HECW1: variants seen among roughly 807,000 people sequenced by gnomAD.
HECW1 encodes the protein E3 ubiquitin-protein ligase HECW1.
Under a neutral mutation model 182.3 loss-of-function variants are expected in HECW1, and 61 were observed. The observed-to-expected ratio is 0.33, with a 90% CI of 0.27 to 0.41. The LOEUF (loss-of-function observed/expected upper bound fraction) is 0.41, where lower values mean the gene tolerates loss of function less well. HECW1 is among the 10% of genes least tolerant of loss of function. HECW1 has a pLI of 1.00. For synonymous variants in HECW1, 859 were observed against 832.6 expected (o/e 1.03, Z -0.55); for missense variants, 1,739 against 2,108.9 (o/e 0.82, Z 3.44).
intron 3 of HECW1, among the ~76,000 whole-genome samples, chr7:43,257,299 G>A (rs1375605779): frequency 2.6e-5 from 4 of 152,190 alleles, no homozygotes; most frequent in Non-Finnish European, 4.4e-5. Flanking sequence ...GGACCTCTCT[G>A]AGTCTAATAT....
At chr7:43,313,498 T>C (rs1263087244) in intron 4 of HECW1, among the ~76,000 whole-genome samples, 2 of 151,906 alleles carry the variant, frequency 1.3e-5, no homozygotes, top group African/African-American at 4.8e-5. Flanking sequence ...CCACCACGCC[T>C]GGCTAGTTTT....
At chr7:43,155,389 G>A (rs1194148160) in intron 2 of HECW1, among the ~76,000 whole-genome samples, 1 of 151,940 alleles carries the variant, frequency 6.6e-6, no homozygotes, top group Non-Finnish European at 1.5e-5. Flanking sequence ...AGACTTTGGG[G>A]ACAAAAAAGG....
intron 2 of HECW1, among the ~76,000 whole-genome samples, chr7:43,128,462 T>G (rs914688430): frequency 6.6e-6 from 1 of 152,174 alleles, no homozygotes; most frequent in Non-Finnish European, 1.5e-5. Context: ...TATAGCATGG[T>G]CTACTAAATA....
At chr7:43,217,790 C>G (rs1796572409) in intron 2 of HECW1, among the ~76,000 whole-genome samples, 1 of 152,230 alleles carries the variant, frequency 6.6e-6, no homozygotes, top group African/African-American at 2.4e-5. Context: ...TAACACCCAC[C>G]ACTCATGTCT....
chr7:43,283,630 G>C (rs1584320706), intron 3 of HECW1, among the ~76,000 whole-genome samples: 1 of 151,992 alleles, frequency 6.6e-6, no homozygotes, highest in African/African-American at 2.4e-5. Flanking sequence ...CAAGATTGTT[G>C]GTCAGTCCTG....
At chr7:43,449,540 A>C (rs2077166270) in intron 11 of HECW1, among the ~76,000 whole-genome samples, 1 of 152,248 alleles carries the variant, frequency 6.6e-6, no homozygotes, top group African/African-American at 2.4e-5. Context: ...TCAGTTCCGT[A>C]GAACTAGAGT....
chr7:43,131,362 C>A lies in HECW1; in HGVS notation c.-32+16971C>A, dbSNP rs540756333. Among the ~76,000 whole-genome samples the A allele has an allele frequency of 2.0e-5, 3 of 152,316 alleles. No individual in the cohort carries two copies. In the East Asian group the frequency reaches 5.8e-4, roughly 29 times the overall value. ...GGGAGTACTGAGACCTGAAGTGTTTCTATGGCTTGACCAGCTCACACTGCT... is the reference window on the plus strand; with the variant it reads ...GGGAGTACTGAGACCTGAAGTGTTTATATGGCTTGACCAGCTCACACTGCT... On this transcript the variant is annotated intron_variant, in intron 2 of 29. Transcript: ENST00000395891.
chr7:43,428,425 C>A (rs1053696366), intron 8 of HECW1, among the ~76,000 whole-genome samples: 1 of 152,156 alleles, frequency 6.6e-6, no homozygotes, highest in Non-Finnish European at 1.5e-5. Context: ...GTGTACCAAG[C>A]TTTTCTGTGT....
intron 2 of HECW1, among the ~76,000 whole-genome samples, chr7:43,175,289 C>T (rs541391283): frequency 1.7e-3 from 260 of 152,296 alleles, no homozygotes; most frequent in Non-Finnish European, 2.2e-3. Flanking sequence ...AATCCACTCT[C>T]AGCAATTTGT....
At chr7:43,467,248 G>A (rs774795041) in intron 15 of HECW1, among the ~76,000 whole-genome samples, 5 of 152,086 alleles carry the variant, frequency 3.3e-5, no homozygotes, top group South Asian at 2.1e-4. Flanking sequence ...GGACCAGGCC[G>A]AACTGAGGGA....
chr7:43,337,599 G>A (rs189048208), intron 5 of HECW1, among the ~76,000 whole-genome samples: 77 of 152,192 alleles, frequency 5.1e-4, no homozygotes, highest in African/African-American at 1.7e-3. Flanking sequence ...GATGGTATGT[G>A]CATGTACTTC....
At chr7:43,530,974 A>T (rs754445470) in intron 24 of HECW1, among the ~76,000 whole-genome samples, 4 of 152,238 alleles carry the variant, frequency 2.6e-5, no homozygotes, top group Non-Finnish European at 5.9e-5. Flanking sequence ...TACAGTTTAA[A>T]GGGTGAACTT....
chr7:43,313,633 G>A (rs1253203971), intron 4 of HECW1, among the ~76,000 whole-genome samples: 2 of 152,092 alleles, frequency 1.3e-5, no homozygotes, highest in Admixed American at 6.5e-5. Flanking sequence ...CACTGCCCTC[G>A]GCCGCATATT....
At chr7:43,435,052 C>A (rs1408800913) in intron 8 of HECW1, among the ~76,000 whole-genome samples, 1 of 151,794 alleles carries the variant, frequency 6.6e-6, no homozygotes, top group Admixed American at 6.6e-5. Context: ...TTATTGTGAT[C>A]ATGAATTGTA....
chr7:43,564,427 A>T lies in HECW1; in HGVS notation c.*2501A>T. On this transcript the variant is annotated 3_prime_UTR_variant, in exon 30 of 30. Coordinates refer to ENST00000395891, the MANE Select transcript of HECW1 (RefSeq NM_015052.5). The stretch of plus-strand genomic sequence containing the variant: ...ATCTAATCTACCCATATACAAAAGG[A>T]ATGCAGTATCTCAGAAATTATATAT... 5.4e-6 allele frequency: 1 copy of T among 183,872 alleles called. No individual in the cohort carries two copies. The highest frequency in any genetic ancestry group is 1.2e-5 in the Non-Finnish European group (1 of 86,394). 11.4% of individuals were successfully genotyped at this position (183,872 alleles called of 1,614,324 possible).
intron 2 of HECW1, among the ~76,000 whole-genome samples, chr7:43,167,560 C>T (rs1353908062): frequency 6.6e-6 from 1 of 152,098 alleles, no homozygotes; most frequent in Non-Finnish European, 1.5e-5. Flanking sequence ...ACAGAGGAAC[C>T]TACAAGAAGT....
chr7:43,370,392 A>G (rs1232028660), intron 6 of HECW1, among the ~76,000 whole-genome samples: 2 of 152,250 alleles, frequency 1.3e-5, no homozygotes, highest in African/African-American at 2.4e-5. Flanking sequence ...ACTCTCATTC[A>G]TTGCTGGTGG....
intron 21 of HECW1, among the ~76,000 whole-genome samples, chr7:43,502,410 A>T (rs572184626): frequency 1.3e-5 from 2 of 152,192 alleles, no homozygotes; most frequent in Admixed American, 6.5e-5. Flanking sequence ...TAATCCCAGC[A>T]CTTTGGGAAG....
chr7:43,354,514 G>T (rs988102227), intron 5 of HECW1, among the ~76,000 whole-genome samples: 2 of 152,156 alleles, frequency 1.3e-5, no homozygotes, highest in African/African-American at 4.8e-5. Flanking sequence ...TATATTTGCT[G>T]AAGTGAAAAA....
Sources: allele counts gnomAD v4.1 joint callset (sites outside exome capture counted in the v4.1 genomes callset), GRCh38; gene constraint gnomAD v4.1.1; transcripts MANE v1.5; gene names NCBI Gene and HGNC (gene_info 2026-07-23, HGNC 2026-07-21).